AKT1: variants seen among roughly 807,000 people sequenced by gnomAD.
AKT1 encodes the protein AKT serine/threonine kinase 1, also known as RAC-alpha serine/threonine-protein kinase.
Under a neutral mutation model 63.1 loss-of-function variants are expected in AKT1, and 21 were observed. The observed-to-expected ratio is 0.33, with a 90% CI of 0.24 to 0.48. The LOEUF (loss-of-function observed/expected upper bound fraction) is 0.48. Ranked by LOEUF, AKT1 falls within the 20% of genes least tolerant of loss-of-function variation. The pLI is 0.99. For synonymous variants in AKT1, 257 were observed against 253.1 expected, an observed-to-expected ratio of 1.02 and a Z score of -0.15; for missense variants, 382 against 666.0, an observed-to-expected ratio of 0.57 and a Z score of 4.69.
At chr14:104,789,339 G>A (rs373502651) in intron 3 of AKT1, among the ~76,000 whole-genome samples, 5 of 152,372 alleles carry the variant, frequency 3.3e-5, no homozygotes, top group East Asian at 3.9e-4. Flanking sequence ...ACAAAAACAG[G>A]CTCCAGGCCG....
At chr14:104,781,860 G>A (rs1893066060) in intron 3 of AKT1, among the ~76,000 whole-genome samples, 1 of 152,186 alleles carries the variant, frequency 6.6e-6, no homozygotes, top group Non-Finnish European at 1.5e-5. Flanking sequence ...GTTGCAGGGA[G>A]GATGATCCAG....
intron 4 of AKT1, chr14:104,777,072 C>T (rs1378987156): frequency 3.4e-5 from 12 of 349,904 alleles, no homozygotes; most frequent in East Asian, 1.2e-4. Context: ...TGAGCCCCGC[C>T]GTGCGCCAGG....
intron 13 of AKT1, chr14:104,771,205 C>A: frequency 3.3e-6 from 1 of 304,724 alleles, no homozygotes; most frequent in Non-Finnish European, 6.2e-6. Context: ...TCTTATTGGT[C>A]TTCTTGTAAA....
chr14:104,791,608 G>A (rs1334574784), intron 3 of AKT1, among the ~76,000 whole-genome samples: 1 of 152,144 alleles, frequency 6.6e-6, no homozygotes, highest in Admixed American at 6.5e-5. Context: ...CTGCTCTTCT[G>A]TGAGCTCCTA....
intron 3 of AKT1, among the ~76,000 whole-genome samples, chr14:104,785,254 G>A (rs145143948): frequency 0.014 from 2,121 of 152,218 alleles, 31 homozygotes; most frequent in African/African-American, 0.045. Context: ...CGAAGGGCCC[G>A]GCCTGCCAGG....
At chr14:104,782,119 G>A (rs1005827347) in intron 3 of AKT1, among the ~76,000 whole-genome samples, 14 of 152,064 alleles carry the variant, frequency 9.2e-5, no homozygotes, top group Admixed American at 3.9e-4. Flanking sequence ...CAGGTGCAGC[G>A]GGCAGGCAGG....
rs911869526 is a variant in AKT1 at position 104,795,097 on chromosome 14, C to CG, written c.-258+386dup. The stretch of plus-strand genomic sequence containing the variant: ...GCCGCGGCGAGTCTTTCTCCAACCC[C>CG]GGGGCACCTCCGCCGGCTGCCTCGC... On this transcript the variant is annotated intron_variant, in intron 1 of 14. Transcript: ENST00000649815. This position sits in a 1 kb window ranked among gnomAD's most constrained non-coding sequence, Gnocchi z 5.1. The CG allele has an allele frequency of 2.0e-5, 3 of 152,222 alleles. No homozygotes were observed. Among genetic ancestry groups the CG allele is most frequent in the Non-Finnish European group, 4.4e-5 (3 of 68,042 alleles). The allele number at this position is 152,222 out of a possible 1,614,324, so 9.4% of individuals were successfully genotyped here. A position where few individuals can be genotyped will look rare whatever the true frequency, so the allele number is the denominator to read the frequency against.
At chr14:104,777,819 GA>G (rs2140937681) in intron 4 of AKT1, 2 of 691,776 alleles carry the variant, frequency 2.9e-6, no homozygotes, top group African/African-American at 1.9e-5. Context: ...TGGGGGCCAG[GA>G]GGGGGCTCGG....
At chr14:104,774,629 A>C in intron 8 of AKT1, 1 of 429,134 alleles carries the variant, frequency 2.3e-6, no homozygotes. Context: ...GCCTCAACAA[A>C]AGCCTGGCAG....
Position 104,770,291 on chromosome 14 carries a change from G to A in AKT1, c.*50C>T. ...CATTAAATACAGATCATGGCACGAG[G>A]CCGCCTCTCCATCCCTCCAAGCTAT... On this transcript the variant is annotated 3_prime_UTR_variant, in exon 15 of 15. Transcript: ENST00000649815. 1.3e-6 allele frequency: 2 copies of A among 1,556,458 alleles called. No individual in the cohort carries two copies. The highest frequency in any genetic ancestry group is 1.7e-6 in the Non-Finnish European group (2 of 1,146,588).
intron 3 of AKT1, 88 bp from the exon 4 acceptor site, chr14:104,780,304 CAG>C: frequency 2.6e-6 from 4 of 1,537,314 alleles, no homozygotes. Flanking sequence ...TGTGCCAGGA[CAG>C]ATGTGCCTGG....
Position 104,770,259 on chromosome 14 carries a change from T to C in AKT1, c.*82A>G. 3 of 1,451,530 alleles carry C rather than the reference T, an allele frequency of 2.1e-6. No individual in the cohort carries two copies. Among genetic ancestry groups the C allele is most frequent in the South Asian group, 2.4e-5 (2 of 82,522 alleles). The allele number at this position is 1,451,530 out of a possible 1,614,324, so 89.9% of individuals were successfully genotyped here. A position where few individuals can be genotyped will look rare whatever the true frequency, so the allele number is the denominator to read the frequency against. On this transcript the variant is annotated 3_prime_UTR_variant, in exon 15 of 15. Coordinates refer to ENST00000649815, the MANE Select transcript of AKT1 (RefSeq NM_001382430.1). ...GCTTCTCTCAAATGCACCCGAGAAA[T>C]AAAAACCATTAAATACAGATCATGG...
intron 9 of AKT1, 31 bp downstream of exon 9, chr14:104,773,881 G>C (rs775915416): frequency 6.3e-7 from 1 of 1,582,476 alleles, no homozygotes; most frequent in Middle Eastern, 2.1e-4. Context: ...CACAGGCCGC[G>C]AAGTCCATCC....
intron 3 of AKT1, among the ~76,000 whole-genome samples, chr14:104,780,788 C>T (rs986768966): frequency 1.3e-5 from 2 of 150,818 alleles, no homozygotes; most frequent in Non-Finnish European, 3.0e-5. Context: ...ACCACTCAGA[C>T]TGAGGGCCGG....
At chr14:104,792,795 G>C (rs1595265376) in intron 2 of AKT1, 73 bp from the exon 3 acceptor site, 1 of 919,010 alleles carries the variant, frequency 1.1e-6, no homozygotes, top group Admixed American at 1.9e-5. Context: ...GGGTGAGCCA[G>C]AGACCCACTG....
chr14:104,775,747 C>G lies in AKT1; in HGVS notation c.340G>C (p.Glu114Gln), dbSNP rs2140922604. The G allele has an allele frequency of 6.2e-7, 1 of 1,614,080 alleles. No homozygotes were observed. The highest frequency in any genetic ancestry group is 1.3e-5 in the African/African-American group (1 of 75,036). ...GACCGGAAGTCCATCTCCTCCTCCTCCTGCTTCTTGAGGCCGTCAGCCACA... is the reference window on the plus strand; with the variant it reads ...GACCGGAAGTCCATCTCCTCCTCCTGCTGCTTCTTGAGGCCGTCAGCCACA... ...QTVADGLKKQ[E>Q]EEEMDFRSGS... Residue 114 changes from glutamate to glutamine, a missense_variant, in exon 6 of 15, where the codon GAG becomes CAG. Transcript: ENST00000649815.
At position 104,780,013 on chromosome 14, in the gene AKT1, G is replaced by A. The variant is rs376760040; in HGVS notation, c.175+75C>T. The A allele has an allele frequency of 2.2e-5, 34 of 1,564,360 alleles. No homozygotes were observed. In the East Asian group the frequency reaches 3.9e-4, roughly 18 times the overall value. The stretch of plus-strand genomic sequence containing the variant: ...TTGGAGGCTCCAGGGGACCCCCATC[G>A]TGGGGCCTGGTGGGCAAAGAGGGCT... On this transcript the variant is annotated intron_variant, in intron 4 of 14. Coordinates refer to ENST00000649815, the MANE Select transcript of AKT1 (RefSeq NM_001382430.1).
In AKT1 at chr14:104,773,266, C is replaced by T. The variant is rs2140905122; in HGVS notation, c.942G>A (p.Glu314=). Residue 314 remains glutamate, a synonymous_variant, in exon 11 of 15, where the codon GAG becomes GAA. Transcript: ENST00000649815. The part of the protein sequence containing the change: ...ATMKTFCGTP[E]YLAPEVLEDN... ...GGGCGCACACCTCGGGGGCCAGGTACTCAGGTGTGCCGCAAAAGGTCTTCA... is the reference window on the plus strand; with the variant it reads ...GGGCGCACACCTCGGGGGCCAGGTATTCAGGTGTGCCGCAAAAGGTCTTCA... 6.2e-7 allele frequency: 1 copy of T among 1,614,224 alleles called. No individual in the cohort carries two copies. Among genetic ancestry groups the T allele is most frequent in the Non-Finnish European group, 8.5e-7 (1 of 1,180,022 alleles).
At position 104,775,286 on chromosome 14, in the gene AKT1, G is replaced by A. The variant is rs536564196; in HGVS notation, c.436-79C>T. On this transcript the variant is annotated intron_variant, in intron 6 of 14. Coordinates refer to ENST00000649815, the MANE Select transcript of AKT1 (RefSeq NM_001382430.1). ...TCGGCATGCGTGGGGTGGCATGAGG[G>A]GCCCCAGAGTCGGAGGCAGAGCCAG... 3 of 1,595,298 alleles carry A rather than the reference G, an allele frequency of 1.9e-6. No homozygotes were observed. In the East Asian group the frequency reaches 6.7e-5, roughly 36 times the overall value.
Sources: gnomAD v4.1 joint callset for allele counts (sites outside exome capture counted in the v4.1 genomes callset) on GRCh38, gnomAD v4.1.1 for gene constraint, Gnocchi (gnomAD v3.1) non-coding constraint, MANE v1.5 for transcripts, NCBI Gene and HGNC (gene_info 2026-07-23, HGNC 2026-07-21) for gene names.